RAB21: variants seen among roughly 807,000 people sequenced by gnomAD.
The protein encoded by RAB21 is ras-related protein Rab-21.
Under a neutral mutation model 33.1 loss-of-function variants are expected in RAB21, and 13 were observed. That is an observed-to-expected ratio of 0.39 (90% CI 0.26 to 0.62). The LOEUF (loss-of-function observed/expected upper bound fraction) is 0.62. Among genes scored for constraint, RAB21 ranks in the 20% least tolerant of loss-of-function variants. The pLI, the probability that RAB21 is intolerant of heterozygous loss-of-function variation, is 0.48. For missense variants in RAB21, 234 were observed against 279.1 expected (o/e 0.84, Z 1.15); for synonymous variants, 91 against 103.7 (o/e 0.88, Z 0.74).
In RAB21 at chr12:71,789,716, C is replaced by T. The variant is rs982386599; in HGVS notation, c.*4043C>T. 4.6e-5 allele frequency: 7 copies of T among 152,086 alleles called. No individual in the cohort carries two copies. Among genetic ancestry groups the T allele is most frequent in the Middle Eastern group, 3.4e-3 (1 of 292 alleles). 9.4% of individuals were successfully genotyped at this position (152,086 alleles called of 1,614,324 possible). On this transcript the variant is annotated 3_prime_UTR_variant, in exon 7 of 7. Coordinates refer to ENST00000261263, the MANE Select transcript of RAB21 (RefSeq NM_014999.4). ...AGTTAAAAGCTGGAATTTATTGAAC[C>T]GCATCTACTTGATTTCATAATATGC...
At chr12:71,773,051 G>A (rs1326776110) in intron 3 of RAB21, among the ~76,000 whole-genome samples, 1 of 152,194 alleles carries the variant, frequency 6.6e-6, no homozygotes, top group Non-Finnish European at 1.5e-5. Flanking sequence ...GGTTTTATAA[G>A]TTCAGTGTGA....
intron 6 of RAB21, among the ~76,000 whole-genome samples, chr12:71,783,854 C>T (rs899082829): frequency 6.6e-6 from 1 of 152,018 alleles, no homozygotes; most frequent in Non-Finnish European, 1.5e-5. Context: ...CCTTACCTCC[C>T]TCCCTCCCTC....
chr12:71,774,555 T>G (rs1242565552), intron 4 of RAB21, among the ~76,000 whole-genome samples: 2 of 151,674 alleles, frequency 1.3e-5, no homozygotes, highest in Non-Finnish European at 2.9e-5. Context: ...GGTCAGGAGT[T>G]CAAAACCAGC....
chr12:71,761,612 A>C (rs2137639997), intron 1 of RAB21, among the ~76,000 whole-genome samples: 1 of 152,308 alleles, frequency 6.6e-6, no homozygotes, highest in East Asian at 1.9e-4. Flanking sequence ...TGGGAGACAG[A>C]GGTTGCAGTG....
At chr12:71,770,928 A>G (rs959327836) in intron 3 of RAB21, among the ~76,000 whole-genome samples, 15 of 152,340 alleles carry the variant, frequency 9.8e-5, no homozygotes, top group African/African-American at 3.6e-4. Flanking sequence ...TTACGTTAGA[A>G]TAATTAATGC....
Position 71,755,272 on chromosome 12 carries a change from A to C in RAB21, c.143A>C (p.His48Pro). Residue 48 changes from histidine (H) to proline (P), a missense_variant, in exon 1 of 7, where the codon CAC becomes CCC. His to Pro is a moderately conservative substitution (Grantham distance 77). Transcript: ENST00000261263. Reference sequence around the variant, plus strand: ...TGCGAGAACAAGTTTAACGACAAGCACATCACCACTCTGCAGGTGCGGACC... The same window carrying C: ...TGCGAGAACAAGTTTAACGACAAGCCCATCACCACTCTGCAGGTGCGGACC... ...RYCENKFNDK[H>P]ITTLQASFLT... The C allele has an allele frequency of 1.3e-6, 2 of 1,534,854 alleles. No individual in the cohort carries two copies. The highest frequency in any genetic ancestry group is 1.7e-6 in the Non-Finnish European group (2 of 1,144,768).
At chr12:71,773,676 T>C (rs577964312) in intron 3 of RAB21, among the ~76,000 whole-genome samples, 11 of 152,372 alleles carry the variant, frequency 7.2e-5, no homozygotes, top group Admixed American at 3.3e-4. Flanking sequence ...GGAGTTGATA[T>C]GCTTTTGCTC....
intron 1 of RAB21, among the ~76,000 whole-genome samples, chr12:71,767,180 A>G (rs916814695): frequency 2.0e-5 from 3 of 152,088 alleles, no homozygotes; most frequent in Admixed American, 6.6e-5. Flanking sequence ...TTGTTTTTCT[A>G]TATAATCAGT....
Position 71,760,585 on chromosome 12 carries a change from C to T in RAB21, c.159+5297C>T, listed in dbSNP as rs546260612. Among the ~76,000 whole-genome samples, 9 of 152,272 alleles carry T rather than the reference C, an allele frequency of 5.9e-5. No homozygotes were observed. The South Asian group carries it at 6.2e-4, about 11-fold the overall frequency. On this transcript the variant is annotated intron_variant, in intron 1 of 6. Transcript: ENST00000261263. Reference sequence around the variant, plus strand: ...ACATTGTATTAGCTGGGGAATATAACGATGAGCAAGGTACTTTAACTATCA... The same window carrying T: ...ACATTGTATTAGCTGGGGAATATAATGATGAGCAAGGTACTTTAACTATCA...
intron 3 of RAB21, among the ~76,000 whole-genome samples, chr12:71,771,748 C>T (rs1398224475): frequency 1.3e-5 from 2 of 152,026 alleles, no homozygotes; most frequent in Non-Finnish European, 2.9e-5. Flanking sequence ...TCGAGGACAG[C>T]GGGTCACTTG....
intron 1 of RAB21, among the ~76,000 whole-genome samples, chr12:71,765,276 T>C (rs1882942882): frequency 6.6e-6 from 1 of 152,216 alleles, no homozygotes; most frequent in Non-Finnish European, 1.5e-5. Context: ...TGTCTTTTCA[T>C]GTCCTTTGCC....
rs1211740214 is a variant in RAB21, at chr12:71,798,093, A to G, written c.*12420A>G. 6.6e-6 allele frequency: 1 copy of G among 152,140 alleles called. No homozygotes were observed. The highest frequency in any genetic ancestry group is 1.5e-5 in the Non-Finnish European group (1 of 68,028). The allele number at this position is 152,140 out of a possible 1,614,324, so 9.4% of individuals were successfully genotyped here. On this transcript the variant is annotated 3_prime_UTR_variant, in exon 7 of 7. Coordinates refer to ENST00000261263, the MANE Select transcript of RAB21 (RefSeq NM_014999.4). ...TATAAATTTGTAACAATAAATTATT[A>G]TTATTTTTGAGATGGAGTCTCACTC...
chr12:71,773,450 G>A (rs924276987), intron 3 of RAB21, among the ~76,000 whole-genome samples: 7 of 152,184 alleles, frequency 4.6e-5, no homozygotes, highest in African/African-American at 1.7e-4. Context: ...GCAAAACCCT[G>A]TCGTACACTA....
At chr12:71,756,195 A>T (rs932186312) in intron 1 of RAB21, among the ~76,000 whole-genome samples, 7 of 152,210 alleles carry the variant, frequency 4.6e-5, no homozygotes, top group African/African-American at 7.2e-5. Flanking sequence ...GTCCAGGTTC[A>T]TGTCTCACCT....
chr12:71,783,443 GAT>G (rs564551847), intron 6 of RAB21, among the ~76,000 whole-genome samples: 177 of 151,228 alleles, frequency 1.2e-3, no homozygotes, highest in Middle Eastern at 3.4e-3. Context: ...AAAGAATATT[GAT>G]ATGTGTGTGT....
chr12:71,759,401 G>A (rs1882837150), intron 1 of RAB21, among the ~76,000 whole-genome samples: 1 of 152,220 alleles, frequency 6.6e-6, no homozygotes, highest in Non-Finnish European at 1.5e-5. Context: ...AGAGGGCCAA[G>A]TGCAAAGCTC....
intron 4 of RAB21, among the ~76,000 whole-genome samples, chr12:71,779,841 G>T (rs928688651): frequency 6.6e-6 from 1 of 152,118 alleles, no homozygotes; most frequent in Admixed American, 6.5e-5. Context: ...AGTTCCGTAT[G>T]TAGCTGCACA....
rs1190752656 is a variant in RAB21 at position 71,790,706 on chromosome 12, T to C, written c.*5033T>C. On this transcript the variant is annotated 3_prime_UTR_variant, in exon 7 of 7. Coordinates refer to ENST00000261263, the MANE Select transcript of RAB21 (RefSeq NM_014999.4). The stretch of plus-strand genomic sequence containing the variant: ...ATTAATATATCTATATGTTTACATA[T>C]AGAAATACATAGTGTTGTGGGTTTT... 1 of 152,138 alleles carries C rather than the reference T, an allele frequency of 6.6e-6. No individual in the cohort carries two copies. The highest frequency in any genetic ancestry group is 1.5e-5 in the Non-Finnish European group (1 of 68,014). 9.4% of individuals were successfully genotyped at this position (152,138 alleles called of 1,614,324 possible). A position where few individuals can be genotyped will look rare whatever the true frequency, so the allele number is the denominator to read the frequency against.
intron 1 of RAB21, among the ~76,000 whole-genome samples, chr12:71,756,768 G>A (rs1360303030): frequency 1.3e-5 from 2 of 152,220 alleles, no homozygotes; most frequent in Non-Finnish European, 2.9e-5. Context: ...GATTTACTTA[G>A]GTAAAGTAGT....
Sources: gnomAD v4.1 joint callset for allele counts (sites outside exome capture counted in the v4.1 genomes callset) on GRCh38, gnomAD v4.1.1 for gene constraint, MANE v1.5 for transcripts, NCBI Gene and HGNC (gene_info 2026-07-23, HGNC 2026-07-21) for gene names.